The following PARD3B variants were observed in gnomAD, a reference collection of about 807,000 sequenced individuals.
PARD3B encodes the protein partitioning defective 3 homolog B.
In PARD3B, 103 loss-of-function variants were observed where a neutral mutation model predicts 130.2. The observed-to-expected ratio is 0.79, with a 90% CI of 0.67 to 0.93. The LOEUF is 0.93. Among genes scored for constraint, PARD3B ranks in the 40% least tolerant of loss-of-function variants. The pLI is 0.00. For synonymous variants in PARD3B, 583 were observed against 553.2 expected, an observed-to-expected ratio of 1.05 and a Z score of -0.76; for missense variants, 1,609 against 1,499.2, an observed-to-expected ratio of 1.07 and a Z score of -1.21.
At chr2:205,537,214 A>G (rs995980147) in intron 21 of PARD3B, among the ~76,000 whole-genome samples, 1 of 152,204 alleles carries the variant, frequency 6.6e-6, no homozygotes, top group Non-Finnish European at 1.5e-5. Flanking sequence ...ATTCTGCTCA[A>G]CATTCATGCT....
At chr2:205,425,676 T>A (rs1189650673) in intron 19 of PARD3B, among the ~76,000 whole-genome samples, 2 of 152,136 alleles carry the variant, frequency 1.3e-5, no homozygotes, top group Non-Finnish European at 2.9e-5. Flanking sequence ...CTTTTCAGGA[T>A]TCTCTAGAAT....
At chr2:205,261,722 C>T (rs2040320330) in intron 16 of PARD3B, among the ~76,000 whole-genome samples, 1 of 152,096 alleles carries the variant, frequency 6.6e-6, no homozygotes, top group South Asian at 2.1e-4. Context: ...TGTAATGATT[C>T]ATTGTTATTG....
At chr2:204,997,209 A>G (rs1694301057) in intron 3 of PARD3B, among the ~76,000 whole-genome samples, 1 of 152,196 alleles carries the variant, frequency 6.6e-6, no homozygotes. Context: ...ACAGCCAAGA[A>G]TGGTCAGGCT....
rs35556760 is a variant in PARD3B at position 205,463,438 on chromosome 2, TAAAAAAAA to T, written c.3044+22780_3044+22787del. On this transcript the variant is annotated intron_variant, in intron 20 of 22. Transcript: ENST00000406610. The surrounding 1 kb of genome is among the most constrained non-coding windows in gnomAD (Gnocchi z 4.8). ...AACATTTCACTGCACATTAATTCTT[TAAAAAAAA>T]AAAAAAAAAAAAACCTGTCATTTAA... Among the ~76,000 whole-genome samples the T allele has an allele frequency of 5.8e-5, 7 of 121,562 alleles. No homozygotes were observed. The highest frequency in any genetic ancestry group is 8.6e-5 in the African/African-American group (3 of 34,762). 79.7% of individuals were successfully genotyped at this position (121,562 alleles called of 152,430 possible). A position where few individuals can be genotyped will look rare whatever the true frequency, so the allele number is the denominator to read the frequency against.
intron 21 of PARD3B, among the ~76,000 whole-genome samples, chr2:205,535,577 A>C (rs912522820): frequency 6.6e-5 from 10 of 152,206 alleles, no homozygotes; most frequent in African/African-American, 2.4e-4. Context: ...TCCTTCTGAA[A>C]ATATTGATGT....
In PARD3B at chr2:205,111,377, A is replaced by G. The variant is rs533353403; in HGVS notation, c.594-2114A>G. ...TGAAAGGAGAATCTCATAAAATAGA[A>G]CTCAACTTTTAAAATTCCATTCTCA... On this transcript the variant is annotated intron_variant, in intron 5 of 22. Coordinates refer to ENST00000406610, the MANE Select transcript of PARD3B (RefSeq NM_001302769.2). Among the ~76,000 whole-genome samples the G allele has an allele frequency of 2.6e-5, 4 of 152,148 alleles. No individual in the cohort carries two copies. The South Asian group carries it at 6.2e-4, about 24-fold the overall frequency.
In PARD3B at chr2:205,572,118, T is replaced by C. The variant is rs982805196; in HGVS notation, c.3260+18715T>C. On this transcript the variant is annotated intron_variant, in intron 22 of 22. Coordinates refer to ENST00000406610, the MANE Select transcript of PARD3B (RefSeq NM_001302769.2). This position sits in a 1 kb window ranked among gnomAD's most constrained non-coding sequence, Gnocchi z 4.2. Reference sequence around the variant, plus strand: ...TTGATTCATTCATTCAGTAAACTTTTACATAAATACTACTATATAGCCAGC... The same window carrying C: ...TTGATTCATTCATTCAGTAAACTTTCACATAAATACTACTATATAGCCAGC... 2.0e-5 allele frequency among the ~76,000 whole-genome samples: 3 copies of C among 152,212 alleles called. No individual in the cohort carries two copies. Among genetic ancestry groups the C allele is most frequent in the East Asian group, 1.9e-4 (1 of 5,188 alleles).
intron 15 of PARD3B, among the ~76,000 whole-genome samples, chr2:205,235,580 C>A (rs991662565): frequency 4.6e-5 from 7 of 152,034 alleles, no homozygotes; most frequent in African/African-American, 1.7e-4. Flanking sequence ...ATCTGATAAC[C>A]AAAATGCTTA....
chr2:205,262,131 G>T (rs1299074822), intron 16 of PARD3B, among the ~76,000 whole-genome samples: 1 of 152,112 alleles, frequency 6.6e-6, no homozygotes, highest in African/African-American at 2.4e-5. Context: ...ATGTAAGACT[G>T]TTACCATAGA....
rs950402792 is a variant in PARD3B, at chr2:204,545,571, C to G, written c.-429C>G. ...GCCCCGTGCGCCGCCGCCGCCGCCGCCCACTCCAGCCCCCGGCTTGGGGCC... is the reference window on the plus strand; with the variant it reads ...GCCCCGTGCGCCGCCGCCGCCGCCGGCCACTCCAGCCCCCGGCTTGGGGCC... On this transcript the variant is annotated 5_prime_UTR_variant, in exon 1 of 23. Coordinates refer to ENST00000406610, the MANE Select transcript of PARD3B (RefSeq NM_001302769.2). 3.9e-5 allele frequency among the ~76,000 whole-genome samples: 6 copies of G among 152,076 alleles called. No homozygotes were observed. Among genetic ancestry groups the G allele is most frequent in the Non-Finnish European group, 7.4e-5 (5 of 67,986 alleles).
intron 2 of PARD3B, among the ~76,000 whole-genome samples, chr2:204,872,129 T>G (rs1359455025): frequency 6.6e-6 from 1 of 152,100 alleles, no homozygotes; most frequent in Non-Finnish European, 1.5e-5. Context: ...ATAATTATTT[T>G]TGTTTTGTTT....
intron 4 of PARD3B, among the ~76,000 whole-genome samples, chr2:205,064,420 C>G (rs1054073821): frequency 5.3e-5 from 8 of 152,172 alleles, no homozygotes; most frequent in Non-Finnish European, 7.3e-5. Context: ...GCTAAGAACT[C>G]TGCTTTTCCC....
chr2:205,099,166 G>A (rs1702586756), intron 4 of PARD3B, among the ~76,000 whole-genome samples: 1 of 152,032 alleles, frequency 6.6e-6, no homozygotes, highest in East Asian at 1.9e-4. Flanking sequence ...TCTATACCTT[G>A]TATTTCATAC....
At chr2:205,194,061 G>C (rs1282316097) in intron 15 of PARD3B, among the ~76,000 whole-genome samples, 1 of 152,170 alleles carries the variant, frequency 6.6e-6, no homozygotes, top group Non-Finnish European at 1.5e-5. Context: ...CTCTTAGAGA[G>C]AACACCATTA....
At chr2:205,489,347 C>A (rs970531762) in intron 20 of PARD3B, among the ~76,000 whole-genome samples, 1 of 151,772 alleles carries the variant, frequency 6.6e-6, no homozygotes, top group Non-Finnish European at 1.5e-5. Flanking sequence ...TACAGTGGCT[C>A]ACACCTATAA....
At chr2:204,727,338 A>G (rs1480148490) in intron 2 of PARD3B, among the ~76,000 whole-genome samples, 2 of 152,238 alleles carry the variant, frequency 1.3e-5, no homozygotes, top group African/African-American at 2.4e-5. Context: ...TTTAAATTCA[A>G]TAAACTAAAA....
chr2:205,540,382 TTTTC>T (rs1219922620), intron 21 of PARD3B, among the ~76,000 whole-genome samples: 4 of 152,160 alleles, frequency 2.6e-5, no homozygotes, highest in South Asian at 2.1e-4. Context: ...CATCTTTTGG[TTTTC>T]TTTTTTAAAA....
At chr2:205,205,336 G>A (rs545531573) in intron 15 of PARD3B, among the ~76,000 whole-genome samples, 6 of 152,118 alleles carry the variant, frequency 3.9e-5, no homozygotes, top group African/African-American at 9.6e-5. Flanking sequence ...CAGCTTAAGG[G>A]GATTTTGGGC....
intron 1 of PARD3B, among the ~76,000 whole-genome samples, chr2:204,590,669 G>C (rs2033035943): frequency 6.6e-6 from 1 of 152,192 alleles, no homozygotes. Flanking sequence ...GAAGGAAAGG[G>C]ACTGTCTCCA....
Sources: gnomAD v4.1 joint callset for allele counts (sites outside exome capture counted in the v4.1 genomes callset) on GRCh38, gnomAD v4.1.1 for gene constraint, Gnocchi (gnomAD v3.1) non-coding constraint, MANE v1.5 for transcripts, NCBI Gene and HGNC (gene_info 2026-07-23, HGNC 2026-07-21) for gene names.